Variants in SLC4A5 observed in about 807,000 individuals in gnomAD.
SLC4A5 encodes the protein solute carrier family 4 member 5, also known as electrogenic sodium bicarbonate cotransporter 4.
A neutral mutation model predicts 120.4 loss-of-function variants in SLC4A5; 96 were observed. The ratio of observed to expected loss-of-function variants is 0.80; its 90% CI spans 0.68 to 0.94. The LOEUF (loss-of-function observed/expected upper bound fraction) is 0.94, where lower values mean the gene tolerates loss of function less well. Among genes scored for constraint, SLC4A5 ranks in the 40% least tolerant of loss-of-function variants. The pLI is 0.00. For synonymous variants in SLC4A5, 550 were observed against 571.1 expected, an observed-to-expected ratio of 0.96 and a Z score of 0.53; for missense variants, 1,259 against 1,459.5, an observed-to-expected ratio of 0.86 and a Z score of 2.24.
intron 29 of SLC4A5, 30 bp downstream of exon 29, chr2:74,222,838 G>A (rs1260366263): frequency 1.3e-6 from 2 of 1,554,166 alleles, no homozygotes; most frequent in Admixed American, 3.3e-5. Context: ...CTAGTAGTAA[G>A]AAGGGAGAGA....
At position 74,230,870 on chromosome 2, in the gene SLC4A5, G is replaced by C. The variant is rs745604096; in HGVS notation, c.2847+366C>G. ...TGCCCAGGCTGGAGTGCAGTGGTGC[G>C]ATCTTGGCTCACTGCAACCTCCACC... is the stretch of plus-strand genomic sequence containing the variant. On this transcript the variant is annotated intron_variant, in intron 25 of 30. Coordinates refer to ENST00000394019, the Ensembl canonical transcript of SLC4A5. 6.6e-5 allele frequency among the ~76,000 whole-genome samples: 10 copies of C among 152,014 alleles called. No individual in the cohort carries two copies. In the South Asian group the frequency reaches 1.2e-3, roughly 19 times the overall value.
chr2:74,262,565 G>A (rs914609284), intron 10 of SLC4A5, among the ~76,000 whole-genome samples: 7 of 151,842 alleles, frequency 4.6e-5, no homozygotes, highest in Non-Finnish European at 8.8e-5. Context: ...CAGGCATGGT[G>A]GTGGGCACCT....
At chr2:74,230,991 G>C (rs1443290600) in intron 25 of SLC4A5, among the ~76,000 whole-genome samples, 1 of 152,050 alleles carries the variant, frequency 6.6e-6, no homozygotes, top group East Asian at 1.9e-4. Flanking sequence ...ATTTTTAGTA[G>C]AGACAGGGTT....
chr2:74,341,858 A>ACTCCCCT (rs1673636706), intron 2 of SLC4A5, among the ~76,000 whole-genome samples: 1 of 152,208 alleles, frequency 6.6e-6, no homozygotes, highest in African/African-American at 2.4e-5. Context: ...AGGAAGGCTA[A>ACTCCCCT]GACACAAAAG....
chr2:74,271,711 G>C (rs1036386351), intron 8 of SLC4A5, among the ~76,000 whole-genome samples: 2 of 151,564 alleles, frequency 1.3e-5, no homozygotes, highest in African/African-American at 4.9e-5. Context: ...CTTGAGGGTA[G>C]CAAGACCTCA....
Position 74,254,720 on chromosome 2 carries a change from G to A in SLC4A5, c.1026-14C>T. On this transcript the variant is annotated splice_polypyrimidine_tract_variant and intron_variant, in intron 13 of 30. Coordinates refer to ENST00000394019, the Ensembl canonical transcript of SLC4A5. Reference sequence around the variant, plus strand: ...ATAAACAGAAATCTGCAAAGAAGATGGAGGAGGAGACAGAGAAGATTAAGG... The same window carrying A: ...ATAAACAGAAATCTGCAAAGAAGATAGAGGAGGAGACAGAGAAGATTAAGG... The A allele has an allele frequency of 6.4e-7, 1 of 1,573,972 alleles. No homozygotes were observed. Among genetic ancestry groups the A allele is most frequent in the Non-Finnish European group, 8.7e-7 (1 of 1,143,750 alleles).
intron 21 of SLC4A5, 30 bp downstream of exon 21, chr2:74,239,305 G>A: frequency 6.2e-7 from 1 of 1,605,590 alleles, no homozygotes; most frequent in East Asian, 2.2e-5. Context: ...TCTGACTGCA[G>A]GTCCCCTCCT....
At chr2:74,276,204 G>A (rs1019536104) in intron 8 of SLC4A5, among the ~76,000 whole-genome samples, 2 of 152,108 alleles carry the variant, frequency 1.3e-5, no homozygotes, top group African/African-American at 4.8e-5. Context: ...AAGGACAGGG[G>A]AAGAGATCAT....
chr2:74,315,191 G>A (rs1047147037), intron 5 of SLC4A5, among the ~76,000 whole-genome samples, 166 bp from the exon 6 acceptor site: 1 of 152,144 alleles, frequency 6.6e-6, no homozygotes, highest in Admixed American at 6.5e-5. Context: ...TGTAATCCCA[G>A]CACTTTGGGA....
intron 6 of SLC4A5, 24 bp from the exon 7 acceptor site, chr2:74,304,704 G>T (rs1383714063): frequency 2.5e-6 from 4 of 1,586,976 alleles, no homozygotes; most frequent in Non-Finnish European, 2.6e-6. Flanking sequence ...ACAAAAGACA[G>T]GGGAGGCAGG....
At chr2:74,271,811 T>A (rs1671483230) in intron 8 of SLC4A5, among the ~76,000 whole-genome samples, 1 of 151,910 alleles carries the variant, frequency 6.6e-6, no homozygotes, top group South Asian at 2.1e-4. Flanking sequence ...TTAAAAATAC[T>A]CAGAAGCCGG....
chr2:74,338,907 T>C lies in SLC4A5; in HGVS notation c.-269-4A>G, dbSNP rs1222001857. On this transcript the variant is annotated splice_region_variant and splice_polypyrimidine_tract_variant and intron_variant, in intron 2 of 30. Transcript: ENST00000394019. ...GAAGGTTATCTTACACTCCCACCTGTGGACAAAAACAGAGATGTGGTTTGG... is the reference window on the plus strand; with the variant it reads ...GAAGGTTATCTTACACTCCCACCTGCGGACAAAAACAGAGATGTGGTTTGG... 1.3e-5 allele frequency: 2 copies of C among 152,230 alleles called. No homozygotes were observed. The highest frequency in any genetic ancestry group is 4.8e-5 in the African/African-American group (2 of 41,452). 9.4% of individuals were successfully genotyped at this position (152,230 alleles called of 1,614,324 possible). A position where few individuals can be genotyped will look rare whatever the true frequency, so the allele number is the denominator to read the frequency against.
At chr2:74,335,168 A>G (rs1485358348) in intron 3 of SLC4A5, among the ~76,000 whole-genome samples, 1 of 152,182 alleles carries the variant, frequency 6.6e-6, no homozygotes, top group East Asian at 1.9e-4. Flanking sequence ...CACAGTTGTA[A>G]GTAACTTGCC....
At chr2:74,222,097 G>A (rs969254951) in intron 29 of SLC4A5, among the ~76,000 whole-genome samples, 12 of 152,270 alleles carry the variant, frequency 7.9e-5, no homozygotes, top group Admixed American at 3.3e-4. Context: ...CAACCACCAC[G>A]AGGACCTCCA....
At chr2:74,324,952 A>G (rs1035855651) in intron 5 of SLC4A5, among the ~76,000 whole-genome samples, 2 of 152,204 alleles carry the variant, frequency 1.3e-5, no homozygotes, top group Non-Finnish European at 2.9e-5. Flanking sequence ...TGCCTGTCAC[A>G]TGGAGGGAAG....
At position 74,255,816 on chromosome 2, in the gene SLC4A5, C is replaced by G. The variant is rs200497566; in HGVS notation, c.984G>C (p.Ser328=). 2.5e-6 allele frequency: 4 copies of G among 1,614,062 alleles called. No homozygotes were observed. Among genetic ancestry groups the G allele is most frequent in the Non-Finnish European group, 3.4e-6 (4 of 1,180,048 alleles). Residue 328 remains serine (S), a synonymous_variant, in exon 13 of 31, where the codon TCG becomes TCC. Coordinates refer to ENST00000394019, the Ensembl canonical transcript of SLC4A5. This position sits in a 1 kb window ranked among gnomAD's most constrained non-coding sequence, Gnocchi z 4.0. ...CCTCGGTCACTCCTCCCAGCATGGC[C>G]GACTGGATGAGGCGCACGAACGCGA...
At chr2:74,290,713 G>C in intron 7 of SLC4A5, 1 of 985,640 alleles carries the variant, frequency 1.0e-6, no homozygotes, top group African/African-American at 1.7e-5. Flanking sequence ...ACTAGAGAGA[G>C]AAAGGCTCAG....
At chr2:74,271,388 A>G (rs1671470433) in intron 8 of SLC4A5, among the ~76,000 whole-genome samples, 1 of 152,154 alleles carries the variant, frequency 6.6e-6, no homozygotes, top group Non-Finnish European at 1.5e-5. Context: ...TAAAATCTTC[A>G]TGTCTCAGTC....
At chr2:74,299,214 G>A (rs1320628872) in intron 7 of SLC4A5, among the ~76,000 whole-genome samples, 1 of 152,180 alleles carries the variant, frequency 6.6e-6, no homozygotes, top group African/African-American at 2.4e-5. Context: ...AGCTGGGTGT[G>A]GTGGTGCATG....
Sources: allele counts gnomAD v4.1 joint callset (sites outside exome capture counted in the v4.1 genomes callset), GRCh38; gene constraint gnomAD v4.1.1; non-coding constraint Gnocchi (gnomAD v3.1); transcripts MANE v1.5; gene names NCBI Gene and HGNC (gene_info 2026-07-23, HGNC 2026-07-21).